The following REDIC1 variants were observed in gnomAD, a reference collection of about 807,000 sequenced individuals.
The protein encoded by REDIC1 is HEI10 Interacting Protein 1.
chr12:39,784,351 A>C, the REDIC1 span, among the ~76,000 whole-genome samples: 1 of 152,250 alleles, frequency 6.6e-6, no homozygotes, highest in African/African-American at 2.4e-5. Flanking sequence ...TAACCAAAAC[A>C]GCATGGTACT....
At chr12:39,760,382 A>T in the REDIC1 span, 23 of 696,384 alleles carry the variant, frequency 3.3e-5, no homozygotes, top group Non-Finnish European at 5.2e-5. Flanking sequence ...GGACCAAAAA[A>T]TTACTATGAA....
At chr12:39,748,279 C>T in the REDIC1 span, among the ~76,000 whole-genome samples, 3 of 152,124 alleles carry the variant, frequency 2.0e-5, no homozygotes, top group African/African-American at 7.2e-5. Context: ...CAATCCTAGT[C>T]TCTGATAAAA....
At chr12:39,827,948 T>C in the REDIC1 span, among the ~76,000 whole-genome samples, 1 of 152,228 alleles carries the variant, frequency 6.6e-6, no homozygotes, top group South Asian at 2.1e-4. Flanking sequence ...ACACTCGACC[T>C]TGAAATATCT....
chr12:39,851,865 G>T, the REDIC1 span, among the ~76,000 whole-genome samples: 3 of 152,258 alleles, frequency 2.0e-5, no homozygotes. Context: ...TTTTAAAAAT[G>T]AGATTATTTT....
At chr12:39,824,629 G>T in the REDIC1 span, among the ~76,000 whole-genome samples, 1 of 152,272 alleles carries the variant, frequency 6.6e-6, no homozygotes, top group Admixed American at 6.5e-5. Context: ...TCCAGGCCAG[G>T]TTGCCTCACA....
chr12:39,771,810 G>C, the REDIC1 span, among the ~76,000 whole-genome samples: 4 of 152,218 alleles, frequency 2.6e-5, no homozygotes, highest in East Asian at 7.7e-4. Flanking sequence ...AAAATGGCCT[G>C]CAAAATGTGG....
the REDIC1 span, among the ~76,000 whole-genome samples, chr12:39,739,925 T>C: frequency 6.6e-6 from 1 of 152,206 alleles, no homozygotes; most frequent in Admixed American, 6.5e-5. Context: ...TCTTAGAATC[T>C]TCCTCAGCTT....
the REDIC1 span, among the ~76,000 whole-genome samples, chr12:39,892,719 A>G: frequency 1.3e-5 from 2 of 152,210 alleles, no homozygotes; most frequent in East Asian, 3.8e-4. Context: ...TTCTTTAAAA[A>G]TAAACAATAT....
chr12:39,840,522 C>T, the REDIC1 span, among the ~76,000 whole-genome samples: 1 of 151,996 alleles, frequency 6.6e-6, no homozygotes, highest in Non-Finnish European at 1.5e-5. Context: ...GGGTGCTAGC[C>T]AGTCCAAAGA....
At chr12:39,672,523 C>A in the REDIC1 span, among the ~76,000 whole-genome samples, 1 of 152,136 alleles carries the variant, frequency 6.6e-6, no homozygotes, top group Non-Finnish European at 1.5e-5. Context: ...GAGAACCTAT[C>A]TTCAGCGCAT....
chr12:39,818,447 A>G, the REDIC1 span, among the ~76,000 whole-genome samples: 1 of 152,206 alleles, frequency 6.6e-6, no homozygotes, highest in Non-Finnish European at 1.5e-5. Flanking sequence ...AGAGCTTACA[A>G]TAGTATCTGA....
At chr12:39,776,836 C>A in the REDIC1 span, among the ~76,000 whole-genome samples, 2 of 152,214 alleles carry the variant, frequency 1.3e-5, no homozygotes, top group East Asian at 3.9e-4. Context: ...AAAGTTATAA[C>A]AAAGTGATGG....
the REDIC1 span, among the ~76,000 whole-genome samples, chr12:39,653,464 T>C: frequency 1.3e-5 from 2 of 150,828 alleles, no homozygotes; most frequent in Non-Finnish European, 1.5e-5. Context: ...AGTAAGTATA[T>C]TTTTACCTCT....
chr12:39,720,901 G>C, the REDIC1 span: 32 of 1,613,322 alleles, frequency 2.0e-5, no homozygotes, highest in Non-Finnish European at 2.5e-5. Flanking sequence ...AAAACTTTCA[G>C]GTGACAGGAT....
chr12:39,896,033 T>TGC, the REDIC1 span, among the ~76,000 whole-genome samples: 1 of 36,116 alleles, frequency 2.8e-5, no homozygotes, highest in Non-Finnish European at 6.0e-5. Flanking sequence ...CATACATGCA[T>TGC]ATGTTTATAT....
the REDIC1 span, among the ~76,000 whole-genome samples, chr12:39,862,704 G>A: frequency 6.6e-6 from 1 of 152,180 alleles, no homozygotes; most frequent in East Asian, 1.9e-4. Context: ...TATATAGATG[G>A]TTTTTATTCT....
chr12:39,870,744 C>T, the REDIC1 span, among the ~76,000 whole-genome samples: 1 of 152,158 alleles, frequency 6.6e-6, no homozygotes, highest in Non-Finnish European at 1.5e-5. Context: ...TGCAGTTCAG[C>T]ACACATTATT....
the REDIC1 span, among the ~76,000 whole-genome samples, chr12:39,638,272 G>A: frequency 6.6e-6 from 1 of 151,980 alleles, no homozygotes; most frequent in African/African-American, 2.4e-5. Context: ...TTTTGTAGTA[G>A]GCAGTTGCAG....
At chr12:39,764,758 A>G in the REDIC1 span, 7 of 1,612,692 alleles carry the variant, frequency 4.3e-6, no homozygotes, top group Admixed American at 1.2e-4. Flanking sequence ...AAGACAAGAT[A>G]TAAAATAAGG....
Sources: allele counts gnomAD v4.1 joint callset (sites outside exome capture counted in the v4.1 genomes callset), GRCh38; gene constraint gnomAD v4.1.1; transcripts MANE v1.5; gene names NCBI Gene and HGNC (gene_info 2026-07-23, HGNC 2026-07-21).